CUL2: variants seen among roughly 807,000 people sequenced by gnomAD.
The protein encoded by CUL2 is cullin 2.
In CUL2, 22 loss-of-function variants were observed where a neutral mutation model predicts 110.2. The observed-to-expected ratio is 0.20, with a 90% CI of 0.14 to 0.28. The LOEUF is 0.28. Among genes scored for constraint, CUL2 ranks in the 10% least tolerant of loss-of-function variants. CUL2 has a pLI of 1.00. For missense variants in CUL2, 631 were observed against 905.5 expected (o/e 0.70, Z 3.89); for synonymous variants, 279 against 293.2 (o/e 0.95, Z 0.49).
intron 6 of CUL2, 83 bp downstream of exon 6, chr10:35,049,600 T>G: frequency 9.2e-7 from 1 of 1,090,974 alleles, no homozygotes; most frequent in Non-Finnish European, 1.3e-6. Context: ...GGCTAGTCAC[T>G]GGCTCTGCAA....
intron 1 of CUL2, among the ~76,000 whole-genome samples, chr10:35,101,269 T>A (rs1056849974): frequency 1.2e-4 from 19 of 152,230 alleles, no homozygotes; most frequent in African/African-American, 4.3e-4. Flanking sequence ...CTGATGCCGC[T>A]GGCAATAGTG....
intron 5 of CUL2, among the ~76,000 whole-genome samples, chr10:35,051,440 C>G (rs578238345): frequency 6.8e-4 from 103 of 151,844 alleles, no homozygotes; most frequent in Non-Finnish European, 1.3e-3. Flanking sequence ...AGTGAAATCC[C>G]GTCTCTACTA....
At chr10:35,108,166 C>T (rs1029460830) in intron 1 of CUL2, among the ~76,000 whole-genome samples, 5 of 151,570 alleles carry the variant, frequency 3.3e-5, no homozygotes, top group Non-Finnish European at 5.9e-5. Context: ...TGAGAAGTGA[C>T]AGTAGTTTGG....
chr10:35,013,279 A>G (rs1343077095), intron 19 of CUL2, among the ~76,000 whole-genome samples: 1 of 149,698 alleles, frequency 6.7e-6, no homozygotes, highest in Non-Finnish European at 1.5e-5. Context: ...CGGGAGGCAG[A>G]GCTTGCAGTG....
chr10:35,033,061 CCATGTCTA>C (rs2134729308), intron 11 of CUL2, 97 bp downstream of exon 11: 1 of 506,936 alleles, frequency 2.0e-6, no homozygotes, highest in East Asian at 3.3e-5. Context: ...TACTTAATCT[CCATGTCTA>C]CATCAGAAAC....
intron 2 of CUL2, among the ~76,000 whole-genome samples, chr10:35,096,278 A>C (rs752491475): frequency 6.6e-6 from 1 of 152,010 alleles, no homozygotes; most frequent in Non-Finnish European, 1.5e-5. Context: ...AGCTATTTTG[A>C]GCTTACAAAA....
chr10:35,071,104 C>A (rs1294239464), intron 2 of CUL2, 95 bp downstream of exon 2: 12 of 1,211,654 alleles, frequency 9.9e-6, no homozygotes, highest in Non-Finnish European at 1.4e-5. Flanking sequence ...AAAATAGTTA[C>A]ATGGGAAAGT....
intron 18 of CUL2, among the ~76,000 whole-genome samples, chr10:35,015,580 C>T (rs1288598148): frequency 6.6e-6 from 1 of 152,082 alleles, no homozygotes; most frequent in Non-Finnish European, 1.5e-5. Context: ...ACCTCTGTTG[C>T]ATTTTTAACT....
chr10:35,049,507 AAG>A (rs2086038378), intron 6 of CUL2, among the ~76,000 whole-genome samples, 174 bp downstream of exon 6: 1 of 152,132 alleles, frequency 6.6e-6, no homozygotes, highest in African/African-American at 2.4e-5. Flanking sequence ...AAGAAAGAAG[AAG>A]AAGAAGAAGA....
chr10:35,118,021 C>G (rs1356339209), intron 1 of CUL2, among the ~76,000 whole-genome samples: 1 of 152,162 alleles, frequency 6.6e-6, no homozygotes, highest in Non-Finnish European at 1.5e-5. Flanking sequence ...CTTGTTAGAA[C>G]TGATGAACCT....
chr10:35,022,429 A>G (rs2085225255), intron 17 of CUL2, among the ~76,000 whole-genome samples: 1 of 152,184 alleles, frequency 6.6e-6, no homozygotes, highest in Non-Finnish European at 1.5e-5. Flanking sequence ...GTAGAAATAG[A>G]CTAGGCAAGA....
intron 15 of CUL2, among the ~76,000 whole-genome samples, chr10:35,029,117 G>A (rs1393667656): frequency 6.6e-6 from 1 of 151,298 alleles, no homozygotes; most frequent in East Asian, 1.9e-4. Flanking sequence ...CAATGCAGTG[G>A]CACGATCTCC....
At chr10:35,058,342 C>A (rs1193326197) in intron 4 of CUL2, among the ~76,000 whole-genome samples, 1 of 152,130 alleles carries the variant, frequency 6.6e-6, no homozygotes, top group African/African-American at 2.4e-5. Flanking sequence ...ATTAGCCAGA[C>A]CCCCGTGGTA....
chr10:35,112,739 G>A (rs781355331), intron 1 of CUL2, among the ~76,000 whole-genome samples: 3 of 152,188 alleles, frequency 2.0e-5, no homozygotes, highest in Non-Finnish European at 4.4e-5. Context: ...AAAAGTCACA[G>A]TATTATACAG....
intron 2 of CUL2, among the ~76,000 whole-genome samples, chr10:35,067,257 C>T (rs867058831): frequency 2.0e-5 from 3 of 152,194 alleles, no homozygotes; most frequent in Admixed American, 1.3e-4. Context: ...TATTAAGTCT[C>T]CCCTAACAAT....
chr10:35,031,713 C>T lies in CUL2; in HGVS notation c.1171-94G>A, dbSNP rs1040748919. On this transcript the variant is annotated intron_variant, in intron 12 of 20. Coordinates refer to ENST00000374749, the MANE Select transcript of CUL2 (RefSeq NM_003591.4). This position sits in a 1 kb window ranked among gnomAD's most constrained non-coding sequence, Gnocchi z 4.4. ...AAGTGGTGATACAAGGTAAGATCAG[C>T]GGACAGAATTTTTGCTGTTTTTTTT... 44 of 1,392,610 alleles carry T rather than the reference C, an allele frequency of 3.2e-5. No homozygotes were observed. The highest frequency in any genetic ancestry group is 4.1e-5 in the Non-Finnish European group (41 of 1,012,094). 86.3% of individuals were successfully genotyped at this position (1,392,610 alleles called of 1,614,324 possible).
chr10:35,040,568 T>A lies in CUL2; in HGVS notation c.715-1486A>T, dbSNP rs188663916. On this transcript the variant is annotated intron_variant, in intron 8 of 20. Coordinates refer to ENST00000374749, the MANE Select transcript of CUL2 (RefSeq NM_003591.4). ...TAAAAATGAGGCTCCAGACAGTAGGTTCCCACAGTCCTGTCTTTCCTATTG... is the reference window on the plus strand; with the variant it reads ...TAAAAATGAGGCTCCAGACAGTAGGATCCCACAGTCCTGTCTTTCCTATTG... 2.6e-5 allele frequency among the ~76,000 whole-genome samples: 4 copies of A among 152,104 alleles called. No individual in the cohort carries two copies. In the East Asian group the frequency reaches 7.7e-4, roughly 29 times the overall value.
intron 1 of CUL2, among the ~76,000 whole-genome samples, chr10:35,114,456 T>A (rs1383835863): frequency 3.3e-5 from 5 of 151,490 alleles, no homozygotes; most frequent in Non-Finnish European, 7.4e-5. Context: ...AATCTTAGCT[T>A]ACTGCAACTT....
At chr10:35,077,950 A>C (rs7099593) in intron 1 of CUL2, among the ~76,000 whole-genome samples, 51,678 of 152,032 alleles carry the variant, frequency 0.34, 8,818 homozygotes, top group South Asian at 0.35. Context: ...GGATGAATAA[A>C]AGGGACATGG....
Sources: gnomAD v4.1 joint callset for allele counts (sites outside exome capture counted in the v4.1 genomes callset) on GRCh38, gnomAD v4.1.1 for gene constraint, Gnocchi (gnomAD v3.1) non-coding constraint, MANE v1.5 for transcripts, NCBI Gene and HGNC (gene_info 2026-07-23, HGNC 2026-07-21) for gene names.